CASD1: variants seen among roughly 807,000 people sequenced by gnomAD.
CASD1 encodes N-acetylneuraminate (7)9-O-acetyltransferase.
Under a neutral mutation model 100.0 loss-of-function variants are expected in CASD1, and 41 were observed. The ratio of observed to expected loss-of-function variants is 0.41; its 90% CI spans 0.32 to 0.53. The LOEUF (loss-of-function observed/expected upper bound fraction) is 0.53, where lower values mean the gene tolerates loss of function less well. Among genes scored for constraint, CASD1 ranks in the 20% least tolerant of loss-of-function variants. The pLI is 0.25. For missense variants in CASD1, 774 were observed against 948.7 expected (o/e 0.82, Z 2.42); for synonymous variants, 321 against 315.6 (o/e 1.02, Z -0.18).
At chr7:94,579,218 TAA>T in the CASD1 span, among the ~76,000 whole-genome samples, 23 of 135,922 alleles carry the variant, frequency 1.7e-4, no homozygotes, top group Non-Finnish European at 1.8e-4. Context: ...TTTTAAATGT[TAA>T]AAAAAAAAAA....
At chr7:94,515,278 T>C (rs1793920862) in intron 1 of CASD1, among the ~76,000 whole-genome samples, 1 of 152,148 alleles carries the variant, frequency 6.6e-6, no homozygotes, top group African/African-American at 2.4e-5. Context: ...CTTTGTGTTA[T>C]GAAATATGTT....
intron 14 of CASD1, 41 bp downstream of exon 14, chr7:94,549,675 A>G (rs1336061938): frequency 6.9e-7 from 1 of 1,445,886 alleles, no homozygotes; most frequent in Non-Finnish European, 9.6e-7. Context: ...TTCAAATTAT[A>G]CTGTTGGAAA....
intron 14 of CASD1, among the ~76,000 whole-genome samples, chr7:94,550,109 A>C (rs577331278): frequency 2.6e-5 from 4 of 152,148 alleles, no homozygotes; most frequent in Non-Finnish European, 4.4e-5. Flanking sequence ...TAGTGGTAGA[A>C]GTGTGCAAAG....
chr7:94,598,584 A>G, the CASD1 span: 1 of 604,590 alleles, frequency 1.7e-6, no homozygotes. Context: ...GGGGGAAAAA[A>G]AGTGCATTTC....
the CASD1 span, among the ~76,000 whole-genome samples, chr7:94,586,079 A>AG: frequency 6.7e-6 from 1 of 150,356 alleles, no homozygotes; most frequent in Non-Finnish European, 1.5e-5. Flanking sequence ...AAAAAAAAAA[A>AG]AAAAAAAACA....
At position 94,542,793 on chromosome 7, in the gene CASD1, G is replaced by A. The variant is rs573953449; in HGVS notation, c.1357-1618G>A. Among the ~76,000 whole-genome samples, 7 of 152,262 alleles carry A rather than the reference G, an allele frequency of 4.6e-5. No homozygotes were observed. In the East Asian group the frequency reaches 9.7e-4, roughly 21 times the overall value. ...AGGAATGAGGTAAGGGCACAGATTT[G>A]GATTAGATAAATTCTGAGGTTTATT... On this transcript the variant is annotated intron_variant, in intron 10 of 17. Coordinates refer to ENST00000297273, the MANE Select transcript of CASD1 (RefSeq NM_022900.5).
the CASD1 span, among the ~76,000 whole-genome samples, chr7:94,603,034 G>T: frequency 6.6e-6 from 1 of 152,046 alleles, no homozygotes; most frequent in Non-Finnish European, 1.5e-5. Context: ...ATGCCCAAGG[G>T]GTTCATTTGG....
In CASD1 at chr7:94,554,056, T is replaced by C. The variant is rs190598857; in HGVS notation, c.2035-427T>C. 4.5e-3 allele frequency: 698 copies of C among 153,994 alleles called. 6 individuals are homozygous for C. The highest frequency in any genetic ancestry group is 0.016 in the African/African-American group (663 of 41,516). The allele number at this position is 153,994 out of a possible 1,614,324, so 9.5% of individuals were successfully genotyped here. On this transcript the variant is annotated intron_variant, in intron 16 of 17. Transcript: ENST00000297273. ...GCCATTTCCCGTACTATCATGGCTG[T>C]CAGCGGAAGGAGGATTTTGAAGGGA...
At chr7:94,568,235 A>G in the CASD1 span, among the ~76,000 whole-genome samples, 3 of 152,184 alleles carry the variant, frequency 2.0e-5, no homozygotes, top group Non-Finnish European at 2.9e-5. Flanking sequence ...ATACATGTCT[A>G]TGAATTTAGT....
intron 14 of CASD1, among the ~76,000 whole-genome samples, chr7:94,550,572 A>C (rs545236159): frequency 1.3e-5 from 2 of 152,160 alleles, no homozygotes; most frequent in South Asian, 4.2e-4. Context: ...GGGAAGTGTA[A>C]AATCACACCA....
the CASD1 span, chr7:94,626,012 G>A: frequency 2.0e-5 from 3 of 152,054 alleles, no homozygotes; most frequent in Admixed American, 6.6e-5. Flanking sequence ...ACATCCACCT[G>A]CAATGCATTT....
chr7:94,627,913 C>T, the CASD1 span: 3 of 347,222 alleles, frequency 8.6e-6, no homozygotes, highest in Admixed American at 1.2e-4. Flanking sequence ...ATCAAGTCTA[C>T]AATTATTTTC....
chr7:94,588,389 C>T, the CASD1 span: 2 of 1,163,622 alleles, frequency 1.7e-6, no homozygotes, highest in South Asian at 2.3e-5. Flanking sequence ...TCTTTCATAC[C>T]AAGGGGAAGA....
intron 3 of CASD1, among the ~76,000 whole-genome samples, chr7:94,520,626 CCTT>C (rs60463217): frequency 0.048 from 7,375 of 152,182 alleles, 581 homozygotes; most frequent in African/African-American, 0.17. Context: ...TCTGGGGGCT[CCTT>C]CTATGTCAAA....
At chr7:94,565,061 C>G in the CASD1 span, among the ~76,000 whole-genome samples, 3 of 151,920 alleles carry the variant, frequency 2.0e-5, no homozygotes, top group Admixed American at 6.6e-5. Context: ...CACAGTAATT[C>G]GCTGCCCATC....
chr7:94,553,052 C>A, intron 16 of CASD1: 1 of 309,674 alleles, frequency 3.2e-6, no homozygotes, highest in Non-Finnish European at 6.3e-6. Context: ...TTCTTTTTAG[C>A]GTTGTACAAC....
intron 10 of CASD1, among the ~76,000 whole-genome samples, chr7:94,541,544 T>G (rs950467981): frequency 1.5e-5 from 2 of 133,390 alleles, no homozygotes; most frequent in East Asian, 2.1e-4. Flanking sequence ...CTGGTTTTTT[T>G]TTTTTTTTTT....
the CASD1 span, chr7:94,626,882 A>AT: frequency 6.6e-6 from 1 of 151,936 alleles, no homozygotes; most frequent in Non-Finnish European, 1.5e-5. Flanking sequence ...GCCAAGAGCT[A>AT]TTTTTTCTTA....
At chr7:94,619,660 A>G in the CASD1 span, 1 of 152,134 alleles carries the variant, frequency 6.6e-6, no homozygotes, top group Non-Finnish European at 1.5e-5. Flanking sequence ...TGTTTATTTA[A>G]TAATATTTCT....
Sources: gnomAD v4.1 joint callset for allele counts (sites outside exome capture counted in the v4.1 genomes callset) on GRCh38, gnomAD v4.1.1 for gene constraint, MANE v1.5 for transcripts, NCBI Gene and HGNC (gene_info 2026-07-23, HGNC 2026-07-21) for gene names.